The following DNER variants were observed in gnomAD, a reference collection of about 807,000 sequenced individuals.
DNER encodes delta/notch like EGF repeat containing, also known as delta and Notch-like epidermal growth factor-related receptor.
In DNER, 33 loss-of-function variants were observed where a neutral mutation model predicts 78.2. The observed-to-expected ratio is 0.42, with a 90% confidence interval of 0.32 to 0.56. The LOEUF is 0.56. Among genes scored for constraint, DNER ranks in the 20% least tolerant of loss-of-function variants. DNER has a pLI of 0.11. For synonymous variants in DNER, 417 were observed against 384.8 expected (o/e 1.08, Z -0.98); for missense variants, 918 against 975.3 (o/e 0.94, Z 0.78).
intron 4 of DNER, among the ~76,000 whole-genome samples, chr2:229,585,122 G>A (rs112124133): frequency 6.6e-6 from 1 of 152,166 alleles, no homozygotes; most frequent in East Asian, 1.9e-4. Flanking sequence ...GTGAGGTGCT[G>A]TGTTTGAACG....
At chr2:229,698,410 T>C (rs547511550) in intron 1 of DNER, among the ~76,000 whole-genome samples, 2 of 152,268 alleles carry the variant, frequency 1.3e-5, no homozygotes, top group Admixed American at 6.5e-5. Context: ...GGGAAAGATC[T>C]ATGTTAGGAG....
chr2:229,460,935 C>T lies in DNER; in HGVS notation c.1262-13395G>A, dbSNP rs983822381. The stretch of plus-strand genomic sequence containing the variant: ...ACTCAGATACAGTACTATGTGAGTC[C>T]GATTCCCCCTTGTAGAAATATAGAA... On this transcript the variant is annotated intron_variant, in intron 7 of 12. Coordinates refer to ENST00000341772, the MANE Select transcript of DNER (RefSeq NM_139072.4). 4.6e-5 allele frequency among the ~76,000 whole-genome samples: 7 copies of T among 152,036 alleles called. No individual in the cohort carries two copies. In the South Asian group the frequency reaches 8.3e-4, roughly 18 times the overall value.
Position 229,592,120 on chromosome 2 carries a change from A to G in DNER, c.277-232T>C, listed in dbSNP as rs187621919. Among the ~76,000 whole-genome samples, 7 of 152,350 alleles carry G rather than the reference A, an allele frequency of 4.6e-5. No homozygotes were observed. In the East Asian group the frequency reaches 9.6e-4, roughly 21 times the overall value. On this transcript the variant is annotated intron_variant, in intron 1 of 12. Transcript: ENST00000341772. ...AGCAAGAAAATACAAAGTGGAGAGC[A>G]GCCTCCTCAAAACCCAAAACACCCA... is the stretch of plus-strand genomic sequence containing the variant.
intron 1 of DNER, among the ~76,000 whole-genome samples, chr2:229,697,966 G>C (rs1699687337): frequency 1.3e-5 from 2 of 152,222 alleles, no homozygotes; most frequent in South Asian, 4.1e-4. Context: ...AAGGCAGGGG[G>C]ACTGCTTGGG....
intron 1 of DNER, among the ~76,000 whole-genome samples, chr2:229,644,865 A>G (rs1559193813): frequency 6.6e-6 from 1 of 152,186 alleles, no homozygotes; most frequent in Non-Finnish European, 1.5e-5. Flanking sequence ...TCAGCTGTAA[A>G]TATTGCTTTA....
At chr2:229,702,009 GA>G in intron 1 of DNER, 2 of 197,756 alleles carry the variant, frequency 1.0e-5, no homozygotes, top group Non-Finnish European at 1.1e-5. Context: ...CCAAGTAGGA[GA>G]AAAGCCTTAT....
At chr2:229,484,737 C>G (rs1271372782) in intron 6 of DNER, among the ~76,000 whole-genome samples, 1 of 152,100 alleles carries the variant, frequency 6.6e-6, no homozygotes, top group Non-Finnish European at 1.5e-5. Flanking sequence ...AGACAGTCTC[C>G]TACAACAAAG....
At chr2:229,654,615 G>T (rs1417831345) in intron 1 of DNER, among the ~76,000 whole-genome samples, 1 of 152,128 alleles carries the variant, frequency 6.6e-6, no homozygotes, top group Non-Finnish European at 1.5e-5. Context: ...TCCAGAGAAG[G>T]TCCCGAATTC....
intron 8 of DNER, among the ~76,000 whole-genome samples, chr2:229,427,425 G>A (rs960380188): frequency 2.0e-5 from 3 of 152,206 alleles, no homozygotes; most frequent in Non-Finnish European, 4.4e-5. Context: ...CTAGTCACTG[G>A]GGCTATCTGG....
chr2:229,451,225 G>A (rs1694449896), intron 7 of DNER, among the ~76,000 whole-genome samples: 1 of 152,222 alleles, frequency 6.6e-6, no homozygotes, highest in African/African-American at 2.4e-5. Context: ...TTGGGAGACT[G>A]AGGCAGGCGG....
chr2:229,479,617 G>A (rs914323312), intron 6 of DNER, among the ~76,000 whole-genome samples: 2 of 151,328 alleles, frequency 1.3e-5, no homozygotes, highest in Non-Finnish European at 2.9e-5. Flanking sequence ...GGAGGCTGAG[G>A]CACGAGAGTC....
intron 1 of DNER, among the ~76,000 whole-genome samples, chr2:229,654,736 A>G (rs1251561121): frequency 6.6e-6 from 1 of 152,150 alleles, no homozygotes; most frequent in African/African-American, 2.4e-5. Flanking sequence ...CAGACGCTAT[A>G]ATCAGATTCA....
intron 6 of DNER, among the ~76,000 whole-genome samples, chr2:229,510,515 G>C (rs1327209449): frequency 2.6e-5 from 4 of 152,244 alleles, no homozygotes; most frequent in African/African-American, 9.6e-5. Context: ...GCTACAGAGG[G>C]TGGAGGATTT....
At chr2:229,665,970 T>C (rs1307874162) in intron 1 of DNER, among the ~76,000 whole-genome samples, 2 of 152,198 alleles carry the variant, frequency 1.3e-5, no homozygotes, top group Admixed American at 6.5e-5. Flanking sequence ...ACATCATACT[T>C]GCATCTTATC....
Position 229,403,120 on chromosome 2 carries a change from C to T in DNER, c.1723+4112G>A, listed in dbSNP as rs142548885. On this transcript the variant is annotated intron_variant, in intron 10 of 12. Transcript: ENST00000341772. ...TCTAATTATATAGCAATGATTTGCC[C>T]GATTCACTCCACTCGGTCAAGCAGA... Among the ~76,000 whole-genome samples, 544 of 152,192 alleles carry T rather than the reference C, an allele frequency of 3.6e-3. 1 individual carries two copies. The highest frequency in any genetic ancestry group is 6.5e-3 in the Non-Finnish European group (439 of 67,998).
chr2:229,388,644 TATAGCA>T (rs1692953841), intron 10 of DNER, among the ~76,000 whole-genome samples: 1 of 93,114 alleles, frequency 1.1e-5, no homozygotes, highest in African/African-American at 3.8e-5. Context: ...TATATATATA[TATAGCA>T]CTGGTAAAAA....
intron 5 of DNER, among the ~76,000 whole-genome samples, chr2:229,517,364 C>T (rs1346468890): frequency 6.6e-6 from 1 of 152,068 alleles, no homozygotes; most frequent in South Asian, 2.1e-4. Flanking sequence ...TTATAAATGG[C>T]ATGGGGAAAA....
intron 4 of DNER, among the ~76,000 whole-genome samples, chr2:229,552,087 T>C (rs939568116): frequency 3.9e-5 from 6 of 152,214 alleles, no homozygotes; most frequent in African/African-American, 1.4e-4. Flanking sequence ...CTGAGCAGAA[T>C]GGATCTTAAA....
At chr2:229,475,423 C>T (rs1695011911) in intron 7 of DNER, among the ~76,000 whole-genome samples, 1 of 151,760 alleles carries the variant, frequency 6.6e-6, no homozygotes, top group Non-Finnish European at 1.5e-5. Flanking sequence ...TCCCTCTCCT[C>T]TCCTAGGGTC....
Sources: gnomAD v4.1 joint callset for allele counts (sites outside exome capture counted in the v4.1 genomes callset) on GRCh38, gnomAD v4.1.1 for gene constraint, MANE v1.5 for transcripts, NCBI Gene and HGNC (gene_info 2026-07-23, HGNC 2026-07-21) for gene names.